Variants in CTNNA2 observed in about 807,000 individuals in gnomAD.
CTNNA2 encodes catenin alpha 2.
CTNNA2 carries 42 observed loss-of-function variants against 101.0 expected under a neutral mutation model. The ratio of observed to expected loss-of-function variants is 0.42; its 90% confidence interval spans 0.32 to 0.54. The LOEUF (loss-of-function observed/expected upper bound fraction) is 0.54. Ranked by LOEUF, CTNNA2 falls within the 20% of genes least tolerant of loss-of-function variation. The pLI is 0.14. For missense variants in CTNNA2, 871 were observed against 1,223.1 expected (o/e 0.71, Z 4.29); for synonymous variants, 450 against 456.4 (o/e 0.99, Z 0.18).
At chr2:79,508,233 A>C (rs551038977), upstream of CTNNA2, among the ~76,000 whole-genome samples, 2 of 152,334 alleles carry the variant, frequency 1.3e-5, no homozygotes, top group South Asian at 4.1e-4. Flanking sequence ...TACACACCTT[A>C]GACTTCTCAG....
At chr2:80,558,632 G>A (rs1019615210) in intron 12 of CTNNA2, among the ~76,000 whole-genome samples, 4 of 152,012 alleles carry the variant, frequency 2.6e-5, no homozygotes, top group African/African-American at 9.7e-5. Flanking sequence ...TTTTGTTTCT[G>A]ACTTAAACAA....
At chr2:79,706,515 C>T (rs1307095670) in intron 2 of CTNNA2, among the ~76,000 whole-genome samples, 1 of 152,138 alleles carries the variant, frequency 6.6e-6, no homozygotes, top group Non-Finnish European at 1.5e-5. Flanking sequence ...GTTTCACTCT[C>T]GGAAATTCTT....
chr2:80,101,808 G>C (rs1700565061), intron 7 of CTNNA2, among the ~76,000 whole-genome samples: 1 of 152,084 alleles, frequency 6.6e-6, no homozygotes, highest in South Asian at 2.1e-4. Context: ...CTTTGTTCTT[G>C]AGTTTCAAGT....
At position 80,180,658 on chromosome 2, in the gene CTNNA2, G is replaced by A. The variant is rs758803562; in HGVS notation, c.1057-212553G>A. Among the ~76,000 whole-genome samples, 8 of 152,344 alleles carry A rather than the reference G, an allele frequency of 5.3e-5. No individual in the cohort carries two copies. The South Asian group carries it at 6.2e-4, about 12-fold the overall frequency. On this transcript the variant is annotated intron_variant, in intron 7 of 18. Coordinates refer to ENST00000402739, the MANE Select transcript of CTNNA2 (RefSeq NM_001282597.3). Reference sequence around the variant, plus strand: ...AATCACAGAGCCCTTCAAGGATGCAGGTCCTGCTCTCACATATCTATTTTG... The same window carrying A: ...AATCACAGAGCCCTTCAAGGATGCAAGTCCTGCTCTCACATATCTATTTTG...
At chr2:80,454,650 G>A (rs1043226006) in intron 9 of CTNNA2, among the ~76,000 whole-genome samples, 11 of 152,236 alleles carry the variant, frequency 7.2e-5, no homozygotes, top group Admixed American at 2.0e-4. Flanking sequence ...TGAGGCTGAC[G>A]GAGGGCAAGT....
At chr2:80,188,451 A>G (rs927525923) in intron 7 of CTNNA2, among the ~76,000 whole-genome samples, 1 of 152,154 alleles carries the variant, frequency 6.6e-6, no homozygotes, top group Non-Finnish European at 1.5e-5. Context: ...ATTACAACAA[A>G]CTTAGAGGCT....
At chr2:79,501,691 G>T (rs1391115060) in intron 4 of CTNNA2, among the ~76,000 whole-genome samples, 1 of 152,122 alleles carries the variant, frequency 6.6e-6, no homozygotes. Context: ...TGTAGTTTCA[G>T]GGAAGATCAC....
intron 13 of CTNNA2, among the ~76,000 whole-genome samples, chr2:80,577,956 T>G (rs149278328): frequency 6.6e-6 from 1 of 152,208 alleles, no homozygotes; most frequent in Non-Finnish European, 1.5e-5. Flanking sequence ...TTTGTAAAAT[T>G]TACTCAACAA....
chr2:79,828,912 GT>G (rs1678653210), intron 3 of CTNNA2, among the ~76,000 whole-genome samples: 1 of 152,168 alleles, frequency 6.6e-6, no homozygotes, highest in Admixed American at 6.5e-5. Context: ...TGGGATAGTT[GT>G]TTGAATTGCC....
At chr2:80,294,868 T>C (rs956621517) in intron 7 of CTNNA2, among the ~76,000 whole-genome samples, 7 of 152,060 alleles carry the variant, frequency 4.6e-5, no homozygotes, top group Non-Finnish European at 8.8e-5. Flanking sequence ...AAAATAACTT[T>C]ACAACATTAC....
intron 2 of CTNNA2, among the ~76,000 whole-genome samples, chr2:79,670,942 C>G (rs1194529426): frequency 6.6e-6 from 1 of 152,062 alleles, no homozygotes; most frequent in African/African-American, 2.4e-5. Flanking sequence ...AGTCATGGAC[C>G]GATATTTTAA....
At chr2:80,472,830 G>A (rs1037322091) in intron 9 of CTNNA2, among the ~76,000 whole-genome samples, 1 of 152,128 alleles carries the variant, frequency 6.6e-6, no homozygotes, top group South Asian at 2.1e-4. Context: ...GTAGAACAGG[G>A]AGGGTATCAC....
At chr2:79,545,502 G>GC (rs1277464514) in intron 1 of CTNNA2, among the ~76,000 whole-genome samples, 2 of 152,186 alleles carry the variant, frequency 1.3e-5, no homozygotes, top group Non-Finnish European at 2.9e-5. Context: ...TCCTTGATCT[G>GC]TTGGCTTTTG....
chr2:80,615,107 C>G (rs555448222), intron 17 of CTNNA2, among the ~76,000 whole-genome samples: 3 of 151,536 alleles, frequency 2.0e-5, no homozygotes, highest in African/African-American at 7.2e-5. Context: ...ATATTGAAAT[C>G]ATATGCTAAA....
At chr2:79,361,251 G>C (rs889400308) in intron 3 of CTNNA2, among the ~76,000 whole-genome samples, 1 of 152,076 alleles carries the variant, frequency 6.6e-6, no homozygotes, top group Admixed American at 6.6e-5. Flanking sequence ...AATGCATTTA[G>C]ATGTTAAAGA....
At chr2:79,798,560 C>CTTCTT (rs1675900242) in intron 3 of CTNNA2, among the ~76,000 whole-genome samples, 1 of 123,794 alleles carries the variant, frequency 8.1e-6, no homozygotes, top group African/African-American at 2.9e-5. Flanking sequence ...TATAATAAGA[C>CTTCTT]TTTTTTTTTT....
At chr2:79,671,478 C>A (rs2104585481) in intron 2 of CTNNA2, among the ~76,000 whole-genome samples, 1 of 150,136 alleles carries the variant, frequency 6.7e-6, no homozygotes, top group Admixed American at 6.6e-5. Flanking sequence ...TAGTTTTGAC[C>A]TAGATACTTT....
At chr2:79,378,710 A>G (rs988213708) in intron 4 of CTNNA2, among the ~76,000 whole-genome samples, 2 of 152,202 alleles carry the variant, frequency 1.3e-5, no homozygotes, top group Non-Finnish European at 2.9e-5. Context: ...ATACATTTAC[A>G]TGAGGTGCTT....
At chr2:80,352,197 T>C (rs1177519355) in intron 7 of CTNNA2, among the ~76,000 whole-genome samples, 1 of 152,120 alleles carries the variant, frequency 6.6e-6, no homozygotes, top group Admixed American at 6.6e-5. Flanking sequence ...TAAAGCTATT[T>C]CTCTGACATG....
Sources: gnomAD v4.1 joint callset for allele counts (sites outside exome capture counted in the v4.1 genomes callset) on GRCh38, gnomAD v4.1.1 for gene constraint, MANE v1.5 for transcripts, NCBI Gene and HGNC (gene_info 2026-07-23, HGNC 2026-07-21) for gene names.